Variants in MEP1B observed in about 807,000 individuals in gnomAD.
MEP1B encodes meprin A subunit beta.
A neutral mutation model predicts 84.6 loss-of-function variants in MEP1B; 80 were observed. The observed-to-expected ratio is 0.95, with a 90% CI of 0.79 to 1.14. The LOEUF is 1.14. MEP1B is among the 50% of genes most tolerant of loss of function. The pLI is 0.00. For synonymous variants in MEP1B, 273 were observed against 288.1 expected, an observed-to-expected ratio of 0.95 and a Z score of 0.53; for missense variants, 766 against 855.1, an observed-to-expected ratio of 0.90 and a Z score of 1.30.
At chr18:32,208,487 TG>T (rs2040989208) in intron 9 of MEP1B, among the ~76,000 whole-genome samples, 2 of 152,230 alleles carry the variant, frequency 1.3e-5, no homozygotes, top group Non-Finnish European at 2.9e-5. Context: ...AAGTCAGAGC[TG>T]GGCTCTGTGA....
chr18:32,192,650 A>T lies in MEP1B; in HGVS notation c.87A>T (p.Val29=). The T allele has an allele frequency of 2.5e-6, 4 of 1,613,060 alleles. No homozygotes were observed. Among genetic ancestry groups the T allele is most frequent in the Non-Finnish European group, 3.4e-6 (4 of 1,179,180 alleles). ...SGLATPENFD[V]DGGMDQDIFD... ...TTGTTGTTGTTTTAATCAAAGATGT[A>T]GATGGCGGAATGGACCAGGACATAT... is the stretch of plus-strand genomic sequence containing the variant. The change falls in exon 3 of 15, where the codon GTA becomes GTT. Residue 29 remains valine, a synonymous_variant. Transcript: ENST00000269202.
chr18:32,193,819 C>G (rs1411598590), intron 4 of MEP1B, among the ~76,000 whole-genome samples: 1 of 152,176 alleles, frequency 6.6e-6, no homozygotes, highest in African/African-American at 2.4e-5. Flanking sequence ...GCCTACTCTT[C>G]TATCTGTGCT....
At chr18:32,208,562 T>G (rs2040990229) in intron 9 of MEP1B, among the ~76,000 whole-genome samples, 1 of 152,214 alleles carries the variant, frequency 6.6e-6, no homozygotes, top group Admixed American at 6.5e-5. Flanking sequence ...AGGCCTCTTA[T>G]CTCAGGGGCA....
chr18:32,212,733 T>A (rs2041040975), intron 10 of MEP1B, among the ~76,000 whole-genome samples: 2 of 152,206 alleles, frequency 1.3e-5, no homozygotes, highest in South Asian at 4.1e-4. Context: ...AGGCTTTGCC[T>A]GAGTATCACA....
chr18:32,217,538 C>T (rs531603231), intron 13 of MEP1B, among the ~76,000 whole-genome samples: 1 of 152,104 alleles, frequency 6.6e-6, no homozygotes, highest in Non-Finnish European at 1.5e-5. Context: ...CTTGGAGATA[C>T]TGTTTTAGTA....
In MEP1B at chr18:32,207,258, A is replaced by G; in HGVS notation, c.554A>G (p.Glu185Gly). ...IMWDRILSGR[E>G]HNFNTYSDDI... ...TTTTTTATTTATCCTTTAGGCAGAG[A>G]GCACAATTTTAACACCTATAGTGAC... The change falls in exon 8 of 15, where the codon GAG becomes GGG. Residue 185 changes from glutamate (E) to glycine (G), a missense_variant. By Grantham distance (98) the Glu-to-Gly change is moderately conservative. Transcript: ENST00000269202. 1.9e-6 allele frequency: 3 copies of G among 1,602,812 alleles called. No homozygotes were observed. The highest frequency in any genetic ancestry group is 2.6e-6 in the Non-Finnish European group (3 of 1,170,794).
Position 32,217,837 on chromosome 18 carries a change from A to C in MEP1B, c.1963A>C (p.Ile655Leu). ...KRGSTRDTIV[I>L]AVSSTVAVFA... ...AGGCTCCACCCGAGACACCATAGTC[A>C]TTGCTGTTTCATCTACTGTTGCTGT... The change falls in exon 14 of 15, where the codon ATT becomes CTT. Residue 655 changes from isoleucine (I) to leucine (L), a missense_variant. Transcript: ENST00000269202. The C allele has an allele frequency of 6.2e-7, 1 of 1,613,932 alleles. No homozygotes were observed. The highest frequency in any genetic ancestry group is 8.5e-7 in the Non-Finnish European group (1 of 1,179,842).
In MEP1B at chr18:32,210,652, C is replaced by T. The variant is rs1381229048; in HGVS notation, c.1071C>T (p.Ile357=). The change falls in exon 10 of 15, where the codon ATC becomes ATT. Residue 357 remains isoleucine, a synonymous_variant. Coordinates refer to ENST00000269202, the MANE Select transcript of MEP1B (RefSeq NM_005925.3). The part of the protein sequence containing the change: ...NSGSESDQLN[I]YIREYSADNV... ...GCAGTGAAAGTGATCAACTGAACAT[C>T]TATATCAGGGAGTATTCTGCAGACA... 6.2e-7 allele frequency: 1 copy of T among 1,613,816 alleles called. No homozygotes were observed. The highest frequency in any genetic ancestry group is 2.2e-5 in the East Asian group (1 of 44,892).
chr18:32,204,682 A>G (rs1271568256), intron 7 of MEP1B, among the ~76,000 whole-genome samples: 1 of 152,166 alleles, frequency 6.6e-6, no homozygotes. Flanking sequence ...TTGCACTGCT[A>G]TAACAAAACA....
intron 7 of MEP1B, among the ~76,000 whole-genome samples, chr18:32,205,703 G>C (rs943213433): frequency 6.6e-6 from 1 of 152,160 alleles, no homozygotes; most frequent in African/African-American, 2.4e-5. Flanking sequence ...ATTTCAAGTT[G>C]AAATCAGTTG....
intron 5 of MEP1B, among the ~76,000 whole-genome samples, chr18:32,201,362 C>T (rs1034775790): frequency 6.6e-6 from 1 of 150,586 alleles, no homozygotes; most frequent in African/African-American, 2.5e-5. Flanking sequence ...GTTCATAGAC[C>T]TTCCCATCTC....
chr18:32,191,887 A>C, intron 2 of MEP1B, 47 bp downstream of exon 2: 3 of 1,230,282 alleles, frequency 2.4e-6, no homozygotes, highest in Non-Finnish European at 3.5e-6. Context: ...AACCTAGGAC[A>C]TATTTAATGC....
At chr18:32,205,603 A>AT (rs1364288911) in intron 7 of MEP1B, among the ~76,000 whole-genome samples, 1 of 152,192 alleles carries the variant, frequency 6.6e-6, no homozygotes, top group Non-Finnish European at 1.5e-5. Context: ...CCAAAGTCTT[A>AT]TTTTTGATCT....
chr18:32,218,613 A>G (rs558033509), intron 14 of MEP1B, among the ~76,000 whole-genome samples: 1 of 152,292 alleles, frequency 6.6e-6, no homozygotes, highest in East Asian at 1.9e-4. Context: ...TGGAACACGT[A>G]TAATAGGCTG....
intron 14 of MEP1B, among the ~76,000 whole-genome samples, chr18:32,219,448 T>C (rs1245221961): frequency 6.6e-6 from 1 of 152,186 alleles, no homozygotes; most frequent in Non-Finnish European, 1.5e-5. Context: ...AAGGGGAAGA[T>C]CAGTGAATAC....
At chr18:32,209,750 C>CT (rs2041004441) in intron 9 of MEP1B, among the ~76,000 whole-genome samples, 7 of 151,034 alleles carry the variant, frequency 4.6e-5, no homozygotes, top group African/African-American at 1.7e-4. Context: ...TCTTCCTTTT[C>CT]TTTTTTTCTT....
chr18:32,205,485 C>T (rs1023080822), intron 7 of MEP1B, among the ~76,000 whole-genome samples: 3 of 152,178 alleles, frequency 2.0e-5, no homozygotes, highest in Admixed American at 6.5e-5. Context: ...GCTCTTTATC[C>T]CCCGACTCTG....
chr18:32,193,325 T>C (rs762112832), intron 4 of MEP1B, among the ~76,000 whole-genome samples: 1 of 152,172 alleles, frequency 6.6e-6, no homozygotes, highest in Non-Finnish European at 1.5e-5. Flanking sequence ...GCCACACAGA[T>C]AAACACAAGA....
At chr18:32,216,863 A>C (rs1598898668) in intron 12 of MEP1B, 128 bp from the exon 13 acceptor site, 1 of 1,124,316 alleles carries the variant, frequency 8.9e-7, no homozygotes, top group Admixed American at 2.9e-5. Context: ...GCAAGATCTC[A>C]CCTCTAAAAA....
Sources: gnomAD v4.1 joint callset for allele counts (sites outside exome capture counted in the v4.1 genomes callset) on GRCh38, gnomAD v4.1.1 for gene constraint, MANE v1.5 for transcripts, NCBI Gene and HGNC (gene_info 2026-07-23, HGNC 2026-07-21) for gene names.